Variants in TCEAL4 observed in about 807,000 individuals in gnomAD.
TCEAL4 encodes the protein transcription elongation factor A protein-like 4.
Under a neutral mutation model 1.3 loss-of-function variants are expected in TCEAL4, and 1 was observed. That is an observed-to-expected ratio of 0.79 (90% CI 0.28 to 3.76). The LOEUF (loss-of-function observed/expected upper bound fraction) is 3.76, where lower values mean the gene tolerates loss of function less well. Among genes scored for constraint, TCEAL4 ranks in the 30% most tolerant of loss-of-function variants. The probability of loss-of-function intolerance (pLI) is 0.18; values close to 1 mark genes in which losing one functional copy is unlikely to be tolerated. For missense variants in TCEAL4, 129 were observed against 154.7 expected, an observed-to-expected ratio of 0.83 and a Z score of 0.88; for synonymous variants, 54 against 50.7, an observed-to-expected ratio of 1.06 and a Z score of -0.28.
intron 2 of TCEAL4, among the ~76,000 whole-genome samples, chrX:103,578,232 A>G (rs1014743172): frequency 8.9e-6 from 1 of 112,291 alleles, no homozygotes; most frequent in African/African-American, 3.2e-5. Context: ...TATTTTATAT[A>G]TCTATTCATT....
chrX:103,583,486 G>C (rs1369819235), upstream of TCEAL4, among the ~76,000 whole-genome samples: 2 of 112,312 alleles, frequency 1.8e-5, no homozygotes, highest in African/African-American at 6.5e-5. Flanking sequence ...TGATAGACTA[G>C]ATAAAGAAAA....
chrX:103,579,539 G>T (rs1277193450), intron 2 of TCEAL4, among the ~76,000 whole-genome samples: 1 of 111,943 alleles, frequency 8.9e-6, no homozygotes, highest in East Asian at 2.8e-4. Flanking sequence ...GCTATTTTAA[G>T]TGGAATTGTT....
intron 2 of TCEAL4, among the ~76,000 whole-genome samples, chrX:103,578,314 A>T (rs1176255640): frequency 2.7e-5 from 3 of 111,917 alleles, no homozygotes; most frequent in Non-Finnish European, 5.7e-5. Context: ...ATACACATTC[A>T]AGTTTTGTGT....
chrX:103,586,305 C>G lies in TCEAL4; in HGVS notation c.-28+14C>G, dbSNP rs754347042. 1.9e-5 allele frequency: 22 copies of G among 1,164,970 alleles called. No individual in the cohort carries two copies. In the African/African-American group the frequency reaches 3.2e-4, roughly 17 times the overall value. On this transcript the variant is annotated intron_variant, in intron 2 of 2. Transcript: ENST00000472484. The stretch of plus-strand genomic sequence containing the variant: ...GAATCCCCGCAGGTCCGTGAAAGTA[C>G]GGGGCTGCATGGACAGGGGCCCACA...
chrX:103,581,483 A>G (rs1231602511), upstream of TCEAL4, among the ~76,000 whole-genome samples: 1 of 111,882 alleles, frequency 8.9e-6, no homozygotes, highest in Non-Finnish European at 1.9e-5. Context: ...CATTGATGCA[A>G]AAATCCTCTA....
In TCEAL4 at chrX:103,587,331, G is replaced by A. The variant is rs1411323754; in HGVS notation, c.*8G>A. The A allele has an allele frequency of 8.6e-7, 1 of 1,159,332 alleles. No homozygotes were observed. The highest frequency in any genetic ancestry group is 1.1e-6 in the Non-Finnish European group (1 of 873,687). On this transcript the variant is annotated 3_prime_UTR_variant, in exon 3 of 3. Coordinates refer to ENST00000472484, the MANE Select transcript of TCEAL4 (RefSeq NM_001006935.3). Reference sequence around the variant, plus strand: ...GACATTCCTTATGTGTAGTGTCCCTGGCAGGCATTTACCAGGCCATGTGCT... The same window carrying A: ...GACATTCCTTATGTGTAGTGTCCCTAGCAGGCATTTACCAGGCCATGTGCT...
rs2073556546 is a variant in TCEAL4 at position 103,586,853 on chromosome X, A to G, written c.178A>G (p.Lys60Glu). ...CAAAACAGGAGATGAGGAAATGTTAAAGGATAAAGGAAAGCCAGAGAGTGA... is the reference window on the plus strand; with the variant it reads ...CAAAACAGGAGATGAGGAAATGTTAGAGGATAAAGGAAAGCCAGAGAGTGA... ...KGKTGDEEML[K>E]DKGKPESEGE... Residue 60 changes from lysine (K) to glutamate (E), a missense_variant, in exon 3 of 3, where the codon AAG becomes GAG. Transcript: ENST00000472484. The G allele has an allele frequency of 8.3e-7, 1 of 1,199,897 alleles. No homozygotes were observed. The highest frequency in any genetic ancestry group is 1.8e-5 in the South Asian group (1 of 55,513).
chrX:103,576,663 C>A (rs2073485117), intron 1 of TCEAL4: 1 of 445,210 alleles, frequency 2.2e-6, no homozygotes, highest in Non-Finnish European at 3.9e-6. Flanking sequence ...ACTCAGGAGG[C>A]TGAAGCAGGA....
upstream of TCEAL4, among the ~76,000 whole-genome samples, chrX:103,582,311 C>T (rs753318833): frequency 4.5e-5 from 5 of 111,828 alleles, no homozygotes; most frequent in East Asian, 1.1e-3. Flanking sequence ...GAATCAATAT[C>T]ATGAAAATGG....
chrX:103,580,736 T>C (rs2073504093), upstream of TCEAL4, among the ~76,000 whole-genome samples: 1 of 111,845 alleles, frequency 8.9e-6, no homozygotes, highest in African/African-American at 3.2e-5. Context: ...ATTTGAAATA[T>C]AAGACTACTT....
chrX:103,577,096 C>T (rs2073486983), exon 2 of TCEAL4: 2 of 1,164,636 alleles, frequency 1.7e-6, no homozygotes, highest in African/African-American at 3.6e-5. Flanking sequence ...AGTCGCAGGG[C>T]CTCCCAAATT....
upstream of TCEAL4, among the ~76,000 whole-genome samples, chrX:103,582,066 T>C (rs1291821603): frequency 8.9e-6 from 1 of 112,248 alleles, no homozygotes; most frequent in African/African-American, 3.2e-5. Context: ...ATAAAATCAA[T>C]GTGCAAATAT....
At chrX:103,580,918 T>C (rs1209257757), upstream of TCEAL4, among the ~76,000 whole-genome samples, 1 of 110,969 alleles carries the variant, frequency 9.0e-6, no homozygotes, top group East Asian at 2.8e-4. Flanking sequence ...GATAGAGCTA[T>C]GAAAAACCCT....
intron 2 of TCEAL4, among the ~76,000 whole-genome samples, chrX:103,579,334 A>G (rs981008698): frequency 2.7e-5 from 3 of 112,698 alleles, no homozygotes; most frequent in South Asian, 3.6e-4. Flanking sequence ...AAGAAGCCAG[A>G]TAAGATTTTG....
At chrX:103,586,139 C>G in intron 1 of TCEAL4, 80 bp from the exon 2 acceptor site, 1 of 1,151,151 alleles carries the variant, frequency 8.7e-7, no homozygotes, top group South Asian at 2.0e-5. Flanking sequence ...TGAGAAGGGC[C>G]TGGACTCAGG....
upstream of TCEAL4, among the ~76,000 whole-genome samples, chrX:103,584,533 C>T (rs1168174696): frequency 8.9e-6 from 1 of 112,027 alleles, no homozygotes; most frequent in Non-Finnish European, 1.9e-5. Flanking sequence ...CACGAAATTG[C>T]CTGATGCATT....
At chrX:103,582,123 A>T (rs767276960), upstream of TCEAL4, among the ~76,000 whole-genome samples, 2 of 111,940 alleles carry the variant, frequency 1.8e-5, no homozygotes, top group South Asian at 7.5e-4. Flanking sequence ...AGAGCTGAAT[A>T]ATAAATGAAC....
chrX:103,587,373 A>G lies in TCEAL4; in HGVS notation c.*50A>G. The G allele has an allele frequency of 8.9e-7, 1 of 1,129,521 alleles. No homozygotes were observed. The highest frequency in any genetic ancestry group is 1.2e-6 in the Non-Finnish European group (1 of 855,390). 93.1% of individuals were successfully genotyped at this position (1,129,521 alleles called of 1,213,427 possible). A position where few individuals can be genotyped will look rare whatever the true frequency, so the allele number is the denominator to read the frequency against. ...CCATGTGCTTTAACGTTACGGTAAT[A>G]CTTTACTTTAGGCATCCCTCCTGTT... On this transcript the variant is annotated 3_prime_UTR_variant, in exon 3 of 3. Coordinates refer to ENST00000472484, the MANE Select transcript of TCEAL4 (RefSeq NM_001006935.3).
At position 103,586,298 on chromosome X, in the gene TCEAL4, G is replaced by T; in HGVS notation, c.-28+7G>T. On this transcript the variant is annotated splice_region_variant and intron_variant, in intron 2 of 2. Coordinates refer to ENST00000472484, the MANE Select transcript of TCEAL4 (RefSeq NM_001006935.3). ...CTGTCCAGAATCCCCGCAGGTCCGT[G>T]AAAGTACGGGGCTGCATGGACAGGG... The T allele has an allele frequency of 8.6e-7, 1 of 1,166,426 alleles. No homozygotes were observed. Among genetic ancestry groups the T allele is most frequent in the South Asian group, 1.9e-5 (1 of 52,739 alleles).
Sources: gnomAD v4.1 joint callset for allele counts (sites outside exome capture counted in the v4.1 genomes callset) on GRCh38, gnomAD v4.1.1 for gene constraint, MANE v1.5 for transcripts, NCBI Gene and HGNC (gene_info 2026-07-23, HGNC 2026-07-21) for gene names.